Variants in CTNNA3 observed in about 807,000 individuals in gnomAD.
CTNNA3 encodes catenin alpha 3.
In CTNNA3, 76 loss-of-function variants were observed where a neutral mutation model predicts 95.7. The ratio of observed to expected loss-of-function variants is 0.79; its 90% CI spans 0.66 to 0.96. The LOEUF (loss-of-function observed/expected upper bound fraction) is 0.96, where lower values mean the gene tolerates loss of function less well. Among genes scored for constraint, CTNNA3 ranks in the 40% least tolerant of loss-of-function variants. The probability of loss-of-function intolerance (pLI) is 0.00; values close to 1 mark genes in which losing one functional copy is unlikely to be tolerated. For synonymous variants in CTNNA3, 431 were observed against 374.4 expected (o/e 1.15, Z -1.74); for missense variants, 1,191 against 1,089.8 (o/e 1.09, Z -1.31).
At chr10:66,971,604 T>C (rs772200055) in intron 7 of CTNNA3, among the ~76,000 whole-genome samples, 4 of 152,154 alleles carry the variant, frequency 2.6e-5, no homozygotes, top group Non-Finnish European at 4.4e-5. Context: ...CTTTATGTAA[T>C]GCACCTAGTA....
At chr10:66,520,936 CAAT>C (rs1841044762) in intron 10 of CTNNA3, among the ~76,000 whole-genome samples, 163 bp from the exon 11 acceptor site, 1 of 150,116 alleles carries the variant, frequency 6.7e-6, no homozygotes, top group African/African-American at 2.4e-5. Context: ...AATATTAAAA[CAAT>C]AAAATAAAAT....
chr10:67,573,533 T>C (rs941416672), intron 3 of CTNNA3, among the ~76,000 whole-genome samples: 2 of 152,070 alleles, frequency 1.3e-5, no homozygotes, highest in African/African-American at 4.8e-5. Context: ...TTCCCGGGAA[T>C]ATCTCAGCAC....
At chr10:67,688,529 C>A (rs755542021) in intron 1 of CTNNA3, among the ~76,000 whole-genome samples, 15 of 152,132 alleles carry the variant, frequency 9.9e-5, no homozygotes, top group Admixed American at 5.9e-4. Flanking sequence ...AGTCAAGCTG[C>A]AGGATAGGAT....
intron 5 of CTNNA3, among the ~76,000 whole-genome samples, chr10:67,473,501 T>A (rs1847902264): frequency 6.6e-6 from 1 of 152,224 alleles, no homozygotes; most frequent in African/African-American, 2.4e-5. Context: ...CAGATATCCA[T>A]GTTCAGCCTA....
intron 7 of CTNNA3, among the ~76,000 whole-genome samples, chr10:67,137,138 C>G (rs1305203633): frequency 6.6e-6 from 1 of 152,142 alleles, no homozygotes; most frequent in South Asian, 2.1e-4. Flanking sequence ...AACAGGCCTA[C>G]AGCAGTAACA....
At chr10:67,638,971 A>G (rs1839424409) in intron 2 of CTNNA3, among the ~76,000 whole-genome samples, 1 of 152,206 alleles carries the variant, frequency 6.6e-6, no homozygotes, top group African/African-American at 2.4e-5. Context: ...GAGCAAACAC[A>G]TTCAAAAGCT....
intron 14 of CTNNA3, among the ~76,000 whole-genome samples, chr10:66,099,811 G>T (rs2081546016): frequency 6.6e-6 from 1 of 151,966 alleles, no homozygotes; most frequent in Non-Finnish European, 1.5e-5. Context: ...TTATTGCTCT[G>T]GTGGTGGTCT....
intron 11 of CTNNA3, among the ~76,000 whole-genome samples, chr10:66,517,302 T>C (rs1207321424): frequency 6.6e-6 from 1 of 152,062 alleles, no homozygotes; most frequent in South Asian, 2.1e-4. Context: ...GAATAGGAGC[T>C]TGGTAAAATG....
intron 11 of CTNNA3, among the ~76,000 whole-genome samples, chr10:66,421,752 C>T (rs1191437014): frequency 6.7e-6 from 1 of 148,728 alleles, no homozygotes; most frequent in South Asian, 2.1e-4. Flanking sequence ...AAAGAAATGG[C>T]TGAACCCGAG....
At chr10:65,981,451 C>A (rs1335016948) in intron 16 of CTNNA3, among the ~76,000 whole-genome samples, 1 of 151,838 alleles carries the variant, frequency 6.6e-6, no homozygotes, top group Non-Finnish European at 1.5e-5. Flanking sequence ...CAATGCAATT[C>A]CCATCAAAAT....
At chr10:66,197,913 A>T (rs2087067867) in intron 13 of CTNNA3, among the ~76,000 whole-genome samples, 1 of 152,200 alleles carries the variant, frequency 6.6e-6, no homozygotes, top group African/African-American at 2.4e-5. Flanking sequence ...AGGAAGAAGT[A>T]ACATACGAGA....
intron 7 of CTNNA3, among the ~76,000 whole-genome samples, chr10:67,065,938 CAAA>C (rs10714806): frequency 6.8e-6 from 1 of 148,076 alleles, no homozygotes. Context: ...GGCTGCCATT[CAAA>C]AAAAAAAAAT....
intron 13 of CTNNA3, among the ~76,000 whole-genome samples, chr10:66,107,666 T>C (rs1454197863): frequency 6.6e-6 from 1 of 152,176 alleles, no homozygotes. Context: ...ATCCTTTCTA[T>C]AGACATTATC....
intron 7 of CTNNA3, among the ~76,000 whole-genome samples, chr10:66,892,155 C>A (rs12242171): frequency 0.071 from 10,798 of 151,900 alleles, 501 homozygotes; most frequent in African/African-American, 0.14. Flanking sequence ...AGCTGAGAAC[C>A]CCTATATAAG....
chr10:67,325,847 A>T (rs1378952674), intron 5 of CTNNA3, among the ~76,000 whole-genome samples: 5 of 152,068 alleles, frequency 3.3e-5, no homozygotes, highest in Admixed American at 6.5e-5. Context: ...GTCTCCCCCT[A>T]TTATATTGTG....
At chr10:66,844,423 A>C (rs1018312751) in intron 7 of CTNNA3, among the ~76,000 whole-genome samples, 2 of 152,162 alleles carry the variant, frequency 1.3e-5, no homozygotes, top group Non-Finnish European at 2.9e-5. Context: ...AATGGCTGGG[A>C]AAACAACTTA....
intron 13 of CTNNA3, among the ~76,000 whole-genome samples, chr10:66,196,945 A>G (rs1449307642): frequency 6.6e-6 from 1 of 152,200 alleles, no homozygotes; most frequent in Non-Finnish European, 1.5e-5. Context: ...CAGGCTCATG[A>G]ATTGAACCTG....
intron 13 of CTNNA3, among the ~76,000 whole-genome samples, chr10:66,191,088 C>G (rs2086642500): frequency 6.6e-6 from 1 of 152,060 alleles, no homozygotes; most frequent in African/African-American, 2.4e-5. Flanking sequence ...GTGGACAGGA[C>G]TTTACATTCA....
chr10:66,960,064 C>T (rs1226093648), intron 7 of CTNNA3, among the ~76,000 whole-genome samples: 1 of 152,066 alleles, frequency 6.6e-6, no homozygotes, highest in Non-Finnish European at 1.5e-5. Flanking sequence ...ACCCTCATAG[C>T]TATTTGAAAT....
Sources: gnomAD v4.1 joint callset for allele counts (sites outside exome capture counted in the v4.1 genomes callset) on GRCh38, gnomAD v4.1.1 for gene constraint, MANE v1.5 for transcripts, NCBI Gene and HGNC (gene_info 2026-07-23, HGNC 2026-07-21) for gene names.